Variants in RIBC2 observed in about 807,000 individuals in gnomAD.
RIBC2 encodes RIB43A domain with coiled-coils 2, also known as RIB43A-like with coiled-coils protein 2.
In RIBC2, 40 loss-of-function variants were observed where a neutral mutation model predicts 44.3. That is an observed-to-expected ratio of 0.90 (90% CI 0.70 to 1.18). RIBC2 has a LOEUF of 1.18. RIBC2 is among the 50% of genes most tolerant of loss of function. The probability of loss-of-function intolerance (pLI) is 0.00; values close to 1 mark genes in which losing one functional copy is unlikely to be tolerated. For missense variants in RIBC2, 459 were observed against 485.5 expected, an observed-to-expected ratio of 0.95 and a Z score of 0.51; for synonymous variants, 171 against 175.0, an observed-to-expected ratio of 0.98 and a Z score of 0.18.
intron 3 of RIBC2, among the ~76,000 whole-genome samples, chr22:45,421,559 G>T (rs9680855): frequency 8.4e-4 from 28 of 33,498 alleles, no homozygotes; most frequent in African/African-American, 6.7e-3. Context: ...AATAATAATA[G>T]TATTATTAAT....
intron 3 of RIBC2, among the ~76,000 whole-genome samples, chr22:45,419,579 A>C (rs774704243): frequency 1.3e-5 from 2 of 152,130 alleles, no homozygotes; most frequent in Non-Finnish European, 2.9e-5. Context: ...ACAAAAAATT[A>C]AAAAGTTAGC....
intron 3 of RIBC2, among the ~76,000 whole-genome samples, chr22:45,421,574 G>T (rs62226841): frequency 2.9e-5 from 2 of 68,586 alleles, no homozygotes; most frequent in African/African-American, 8.9e-5. Context: ...ATTAATAATA[G>T]TATTATTAAT....
At position 45,413,851 on chromosome 22, in the gene RIBC2, T is replaced by C. The variant is rs968570977; in HGVS notation, c.-36T>C. 5.9e-6 allele frequency: 9 copies of C among 1,521,390 alleles called. No homozygotes were observed. The highest frequency in any genetic ancestry group is 5.6e-5 in the African/African-American group (4 of 71,978). The allele number at this position is 1,521,390 out of a possible 1,614,324, so 94.2% of individuals were successfully genotyped here. The stretch of plus-strand genomic sequence containing the variant: ...TCCTTATTTTCGTCGCCTGTTCTCC[T>C]GATCCTGCGTGTTCTAAAAACCCCT... On this transcript the variant is annotated 5_prime_UTR_variant, in exon 1 of 7. Transcript: ENST00000614167.
intron 5 of RIBC2, among the ~76,000 whole-genome samples, chr22:45,427,192 G>A (rs1392859069): frequency 6.6e-6 from 1 of 152,224 alleles, no homozygotes; most frequent in Non-Finnish European, 1.5e-5. Flanking sequence ...TCTCTTGCAA[G>A]TAGACTAAAT....
chr22:45,424,318 C>T lies in RIBC2; in HGVS notation c.676-1630C>T, dbSNP rs567627052. On this transcript the variant is annotated intron_variant, in intron 4 of 6. Transcript: ENST00000614167. ...ACGTGAGGGCCTCCAGTTCTTGGGTCGGGGCTCATTTCGTCAGAGAGGCAT... is the reference window on the plus strand; with the variant it reads ...ACGTGAGGGCCTCCAGTTCTTGGGTTGGGGCTCATTTCGTCAGAGAGGCAT... Among the ~76,000 whole-genome samples, 62 of 152,290 alleles carry T rather than the reference C, an allele frequency of 4.1e-4. 2 individuals are homozygous for T. The highest frequency in any genetic ancestry group is 1.6e-4 in the Non-Finnish European group (11 of 68,030).
intron 2 of RIBC2, 35 bp downstream of exon 2, chr22:45,414,438 G>C: frequency 6.9e-7 from 1 of 1,451,856 alleles, no homozygotes; most frequent in Non-Finnish European, 9.4e-7. Flanking sequence ...TATTGGTTTA[G>C]GATTGTGTGG....
chr22:45,430,773 C>A, intron 5 of RIBC2, 127 bp from the exon 6 acceptor site: 1 of 1,215,298 alleles, frequency 8.2e-7, no homozygotes, highest in Non-Finnish European at 1.1e-6. Context: ...CATCGGTCAC[C>A]TACCTGCTCG....
At chr22:45,425,124 A>C (rs941391968) in intron 4 of RIBC2, among the ~76,000 whole-genome samples, 9 of 151,988 alleles carry the variant, frequency 5.9e-5, no homozygotes, top group Admixed American at 2.6e-4. Flanking sequence ...CCGTCTCAAA[A>C]AAACAAACAA....
At chr22:45,422,129 GC>G (rs2087491221) in intron 3 of RIBC2, among the ~76,000 whole-genome samples, 160 bp from the exon 4 acceptor site, 1 of 152,186 alleles carries the variant, frequency 6.6e-6, no homozygotes, top group Admixed American at 6.5e-5. Flanking sequence ...TCATCTGGGA[GC>G]TTGACTCTCC....
chr22:45,417,442 C>T (rs2087435484), intron 2 of RIBC2, among the ~76,000 whole-genome samples, 160 bp from the exon 3 acceptor site: 1 of 152,016 alleles, frequency 6.6e-6, no homozygotes, highest in Non-Finnish European at 1.5e-5. Flanking sequence ...CCCAGTGACT[C>T]AGGAGGCTGA....
At chr22:45,425,853 C>A in intron 4 of RIBC2, 95 bp from the exon 5 acceptor site, 2 of 1,048,086 alleles carry the variant, frequency 1.9e-6, no homozygotes, top group Non-Finnish European at 2.8e-6. Context: ...AGCATATCCT[C>A]CCCTCGAGGG....
At chr22:45,424,742 ATTTCTTT>A (rs1263944079) in intron 4 of RIBC2, among the ~76,000 whole-genome samples, 2 of 135,174 alleles carry the variant, frequency 1.5e-5, no homozygotes, top group Admixed American at 7.7e-5. Flanking sequence ...CTCTGCTCAC[ATTTCTTT>A]TTTCTTTTTT....
chr22:45,413,874 C>G lies in RIBC2; in HGVS notation c.-13C>G. On this transcript the variant is annotated 5_prime_UTR_variant, in exon 1 of 7. Transcript: ENST00000614167. ...CCTGATCCTGCGTGTTCTAAAAACC[C>G]CTTAGGCTTTCCATGGGTTCCCAGA... 6.5e-7 allele frequency: 1 copy of G among 1,548,296 alleles called. No homozygotes were observed. The highest frequency in any genetic ancestry group is 8.7e-7 in the Non-Finnish European group (1 of 1,144,826).
chr22:45,430,984 C>T lies in RIBC2; in HGVS notation c.988C>T (p.Arg330Trp), dbSNP rs555270374. The T allele has an allele frequency of 2.3e-4, 368 of 1,605,908 alleles. 2 individuals carry two copies. In the South Asian group the frequency reaches 2.7e-3, roughly 12 times the overall value. ...GGCTCGCGCCACCCTGCTGTTTGAGCGGCAGCAGTGGCGGCGGCAGCGCGA... is the reference window on the plus strand; with the variant it reads ...GGCTCGCGCCACCCTGCTGTTTGAGTGGCAGCAGTGGCGGCGGCAGCGCGA... The part of the protein sequence containing the change: ...QGARATLLFE[R>W]QQWRRQRDLR... The change falls in exon 6 of 7, where the codon CGG becomes TGG. Residue 330 changes from arginine to tryptophan, a missense_variant. Arg to Trp is a moderately radical substitution (Grantham distance 101). Transcript: ENST00000614167.
At chr22:45,417,197 A>G (rs2087433514) in intron 2 of RIBC2, among the ~76,000 whole-genome samples, 2 of 152,102 alleles carry the variant, frequency 1.3e-5, no homozygotes, top group Non-Finnish European at 2.9e-5. Flanking sequence ...CACCACACCC[A>G]GCCTCAGGTT....
intron 4 of RIBC2, among the ~76,000 whole-genome samples, chr22:45,423,661 G>A (rs2087507088): frequency 6.6e-6 from 1 of 152,166 alleles, no homozygotes; most frequent in South Asian, 2.1e-4. Context: ...GAGAATGTGG[G>A]TTTTCAACAC....
At chr22:45,419,319 G>A (rs770630383) in intron 3 of RIBC2, among the ~76,000 whole-genome samples, 6 of 151,894 alleles carry the variant, frequency 4.0e-5, no homozygotes, top group African/African-American at 1.5e-4. Flanking sequence ...ACCCACATCC[G>A]TGACAGCTCC....
rs536489845 is a variant in RIBC2, at chr22:45,413,708, G to A, written c.-179G>A. On this transcript the variant is annotated 5_prime_UTR_variant, in exon 1 of 7. Coordinates refer to ENST00000614167, the MANE Select transcript of RIBC2 (RefSeq NM_015653.5). ...TTAGCAACGAGTTGTTGACATTTCC[G>A]AGAGAGCGGGAGCGTCTGTACCTCT... 4.3e-5 allele frequency: 49 copies of A among 1,151,262 alleles called. No individual in the cohort carries two copies. In the East Asian group the frequency reaches 1.2e-3, roughly 29 times the overall value. 71.3% of individuals were successfully genotyped at this position (1,151,262 alleles called of 1,614,324 possible). A position where few individuals can be genotyped will look rare whatever the true frequency, so the allele number is the denominator to read the frequency against.
chr22:45,425,474 A>G (rs988690911), intron 4 of RIBC2, among the ~76,000 whole-genome samples: 5 of 152,150 alleles, frequency 3.3e-5, no homozygotes, highest in Non-Finnish European at 2.9e-5. Flanking sequence ...CAGAAATGAG[A>G]CCTGGAATTA....
Sources: gnomAD v4.1 joint callset for allele counts (sites outside exome capture counted in the v4.1 genomes callset) on GRCh38, gnomAD v4.1.1 for gene constraint, MANE v1.5 for transcripts, NCBI Gene and HGNC (gene_info 2026-07-23, HGNC 2026-07-21) for gene names.